POPDC1: variants seen among roughly 807,000 people sequenced by gnomAD.
The protein encoded by POPDC1 is popeye domain cAMP effector 1.
At chr6:105,103,964 G>A in the POPDC1 span, among the ~76,000 whole-genome samples, 3 of 152,208 alleles carry the variant, frequency 2.0e-5, no homozygotes, top group East Asian at 5.8e-4. Context: ...ATTTGCTGGG[G>A]CAGAAGAAGA....
chr6:105,100,942 C>T, the POPDC1 span: 1 of 913,900 alleles, frequency 1.1e-6, no homozygotes, highest in East Asian at 2.8e-5. Context: ...ACTCTTCCAT[C>T]CTTGACCCTT....
At chr6:105,131,151 A>C in the POPDC1 span, among the ~76,000 whole-genome samples, 1,732 of 152,358 alleles carry the variant, frequency 0.011, 36 homozygotes, top group African/African-American at 0.04. Context: ...TACTCACAAA[A>C]GCTAACCACC....
At chr6:105,121,516 CCTCA>C in the POPDC1 span, among the ~76,000 whole-genome samples, 1 of 152,144 alleles carries the variant, frequency 6.6e-6, no homozygotes, top group Non-Finnish European at 1.5e-5. Context: ...GATCCACCCG[CCTCA>C]GCCTCCCAAA....
At chr6:105,132,921 A>G in the POPDC1 span, among the ~76,000 whole-genome samples, 1 of 152,218 alleles carries the variant, frequency 6.6e-6, no homozygotes, top group Non-Finnish European at 1.5e-5. Context: ...AAATATATAT[A>G]TGACACACAT....
the POPDC1 span, chr6:105,133,252 T>G: frequency 9.8e-7 from 1 of 1,023,500 alleles, no homozygotes; most frequent in Non-Finnish European, 1.4e-6. Context: ...TTTTTTGGCT[T>G]GCTATGGGCC....
chr6:105,133,505 T>C, the POPDC1 span: 2 of 1,613,884 alleles, frequency 1.2e-6, no homozygotes, highest in East Asian at 2.2e-5. Context: ...GGCACAGGTA[T>C]GATACTTTCT....
chr6:105,116,806 G>A, the POPDC1 span: 1 of 1,612,456 alleles, frequency 6.2e-7, no homozygotes, highest in Non-Finnish European at 8.5e-7. Flanking sequence ...ATTCCAGAAA[G>A]TATGTTAATC....
the POPDC1 span, among the ~76,000 whole-genome samples, chr6:105,130,589 G>T: frequency 4.9e-4 from 74 of 152,258 alleles, 1 homozygote; most frequent in Non-Finnish European, 1.3e-4. Context: ...GATATATTCT[G>T]AGAAACATTT....
the POPDC1 span, chr6:105,115,800 T>C: frequency 1.2e-6 from 2 of 1,613,742 alleles, no homozygotes; most frequent in African/African-American, 2.7e-5. Flanking sequence ...GTGCAGAGGC[T>C]GAGCTGATGT....
chr6:105,134,195 T>C, the POPDC1 span, among the ~76,000 whole-genome samples: 246 of 152,202 alleles, frequency 1.6e-3, 1 homozygote, highest in Non-Finnish European at 2.4e-3. Context: ...TAAACATTTA[T>C]ATATACACAG....
the POPDC1 span, among the ~76,000 whole-genome samples, chr6:105,118,026 T>G: frequency 1.3e-5 from 2 of 152,194 alleles, no homozygotes; most frequent in South Asian, 4.2e-4. Flanking sequence ...GATCATACAG[T>G]GGCAGCAGGA....
the POPDC1 span, chr6:105,115,534 C>T: frequency 2.0e-6 from 2 of 981,428 alleles, no homozygotes; most frequent in East Asian, 2.7e-5. Flanking sequence ...GGGGGAAATG[C>T]TAAACAAAAT....
chr6:105,112,139 T>C, the POPDC1 span, among the ~76,000 whole-genome samples: 1 of 152,166 alleles, frequency 6.6e-6, no homozygotes, highest in Admixed American at 6.5e-5. Flanking sequence ...GCCTGCTACA[T>C]CAGGATCTTT....
the POPDC1 span, chr6:105,125,605 T>C: frequency 1.6e-5 from 25 of 1,606,182 alleles, no homozygotes; most frequent in African/African-American, 2.8e-4. Flanking sequence ...ACTAGATGCT[T>C]CACCAATGCA....
At chr6:105,105,237 G>C in the POPDC1 span, among the ~76,000 whole-genome samples, 1 of 152,030 alleles carries the variant, frequency 6.6e-6, no homozygotes, top group Non-Finnish European at 1.5e-5. Context: ...TTTCCACCTT[G>C]GTAGACACAC....
chr6:105,135,180 G>A, the POPDC1 span, among the ~76,000 whole-genome samples: 1 of 152,122 alleles, frequency 6.6e-6, no homozygotes, highest in Non-Finnish European at 1.5e-5. Flanking sequence ...ATTCATCTAT[G>A]TACTTCCAAG....
At chr6:105,129,465 A>T in the POPDC1 span, 2 of 1,612,668 alleles carry the variant, frequency 1.2e-6, no homozygotes, top group South Asian at 2.2e-5. Flanking sequence ...TCCAAGGCAC[A>T]TCGGTAGAGA....
chr6:105,115,590 C>A, the POPDC1 span: 1 of 1,429,578 alleles, frequency 7.0e-7, no homozygotes, highest in Non-Finnish European at 9.4e-7. Context: ...CAAATAGTTA[C>A]CTGCAAAGTT....
the POPDC1 span, among the ~76,000 whole-genome samples, chr6:105,103,221 TA>T: frequency 1.3e-5 from 2 of 152,238 alleles, no homozygotes; most frequent in Non-Finnish European, 2.9e-5. Context: ...GTTATAAGGA[TA>T]AAACAACTTG....
Sources: allele counts gnomAD v4.1 joint callset (sites outside exome capture counted in the v4.1 genomes callset), GRCh38; gene constraint gnomAD v4.1.1; transcripts MANE v1.5; gene names NCBI Gene and HGNC (gene_info 2026-07-23, HGNC 2026-07-21).